The following TENM3 variants were observed in gnomAD, a reference collection of about 807,000 sequenced individuals.
TENM3 encodes teneurin transmembrane protein 3.
Under a neutral mutation model 255.1 loss-of-function variants are expected in TENM3, and 63 were observed. The ratio of observed to expected loss-of-function variants is 0.25; its 90% CI spans 0.20 to 0.30. The LOEUF (loss-of-function observed/expected upper bound fraction) is 0.30. Among genes scored for constraint, TENM3 ranks in the 10% least tolerant of loss-of-function variants. The pLI is 1.00. For synonymous variants in TENM3, 1,306 were observed against 1,322.3 expected (o/e 0.99, Z 0.27); for missense variants, 2,929 against 3,461.1 (o/e 0.85, Z 3.86).
chr4:182,375,660 G>A (rs368538658), intron 3 of TENM3, among the ~76,000 whole-genome samples: 3 of 152,106 alleles, frequency 2.0e-5, no homozygotes, highest in Admixed American at 6.5e-5. Context: ...TCCTGCCTCC[G>A]CCTCCTGGGC....
chr4:182,201,272 GT>G (rs1165941091), intron 1 of TENM3, among the ~76,000 whole-genome samples: 7 of 152,214 alleles, frequency 4.6e-5, no homozygotes, highest in Non-Finnish European at 1.0e-4. Flanking sequence ...TCATTTTAAT[GT>G]TTTTTTCTTT....
the TENM3 span, among the ~76,000 whole-genome samples, chr4:181,773,363 A>G: frequency 6.6e-6 from 1 of 152,222 alleles, no homozygotes; most frequent in Non-Finnish European, 1.5e-5. Flanking sequence ...TCTACATTGC[A>G]GAATCCGATC....
At chr4:182,072,845 C>G in the TENM3 span, among the ~76,000 whole-genome samples, 3 of 152,100 alleles carry the variant, frequency 2.0e-5, no homozygotes, top group Non-Finnish European at 2.9e-5. Flanking sequence ...TTGTGCTCCC[C>G]AAAATTTGCA....
chr4:182,497,878 A>ATATATATATATATATATG (rs1446346027), intron 3 of TENM3, among the ~76,000 whole-genome samples: 38 of 143,044 alleles, frequency 2.7e-4, no homozygotes, highest in African/African-American at 8.9e-4. Context: ...ATATATATAT[A>ATATATATATATATATATG]TATATCTCAA....
rs554058766 is a variant in TENM3 at position 182,216,363 on chromosome 4, G to A, written c.-76+71609G>A. Among the ~76,000 whole-genome samples the A allele has an allele frequency of 4.6e-5, 7 of 152,282 alleles. No individual in the cohort carries two copies. In the South Asian group the frequency reaches 6.2e-4, roughly 14 times the overall value. Reference sequence around the variant, plus strand: ...AGGTAATGTAGCCTAATTTCGGCTCGTTCAGTTTCCACATGGTCTTGCCTA... The same window carrying A: ...AGGTAATGTAGCCTAATTTCGGCTCATTCAGTTTCCACATGGTCTTGCCTA... On this transcript the variant is annotated intron_variant, in intron 1 of 2. Coordinates refer to the TENM3 transcript ENST00000512480.
chr4:182,731,708 T>G (rs1048979144), intron 16 of TENM3, among the ~76,000 whole-genome samples: 9 of 147,932 alleles, frequency 6.1e-5, no homozygotes, highest in African/African-American at 1.5e-4. Flanking sequence ...TGTGTGTGTG[T>G]GTGTGTGTGT....
At chr4:182,066,685 C>T in the TENM3 span, among the ~76,000 whole-genome samples, 36 of 151,310 alleles carry the variant, frequency 2.4e-4, no homozygotes, top group South Asian at 3.7e-3. Flanking sequence ...CCAAGGCGGG[C>T]GGATCACAAG....
intron 3 of TENM3, among the ~76,000 whole-genome samples, chr4:182,461,554 GGT>G (rs1561471579): frequency 6.6e-6 from 1 of 152,098 alleles, no homozygotes; most frequent in Non-Finnish European, 1.5e-5. Flanking sequence ...ACAGTAGTAC[GGT>G]GTGTTTGGGG....
the TENM3 span, among the ~76,000 whole-genome samples, chr4:181,599,261 C>T: frequency 6.6e-6 from 1 of 152,192 alleles, no homozygotes; most frequent in Non-Finnish European, 1.5e-5. Flanking sequence ...CCATTATTCC[C>T]TTCGTTCTGT....
intron 24 of TENM3, among the ~76,000 whole-genome samples, chr4:182,784,338 T>C (rs1381178679): frequency 6.6e-6 from 1 of 151,958 alleles, no homozygotes; most frequent in Non-Finnish European, 1.5e-5. Context: ...GTGCCCCTGC[T>C]GGGGGGTGCC....
chr4:182,570,621 A>C (rs1157862703), intron 3 of TENM3, among the ~76,000 whole-genome samples: 1 of 152,156 alleles, frequency 6.6e-6, no homozygotes, highest in Non-Finnish European at 1.5e-5. Context: ...AGGCCAAGGC[A>C]GGCGGATCAC....
the TENM3 span, among the ~76,000 whole-genome samples, chr4:182,117,768 G>A: frequency 6.6e-6 from 1 of 151,966 alleles, no homozygotes; most frequent in Non-Finnish European, 1.5e-5. Flanking sequence ...TAATATTCTG[G>A]ATATTTTTTT....
intron 3 of TENM3, among the ~76,000 whole-genome samples, chr4:182,431,221 G>A (rs114178787): frequency 1.3e-3 from 194 of 152,000 alleles, no homozygotes; most frequent in Middle Eastern, 6.8e-3. Context: ...ATGAGGCCGG[G>A]CGTGGGGGCT....
intron 1 of TENM3, among the ~76,000 whole-genome samples, chr4:182,262,934 C>G (rs539149303): frequency 2.0e-5 from 3 of 152,118 alleles, no homozygotes; most frequent in African/African-American, 7.2e-5. Context: ...AGGATGGTCT[C>G]GATCTCCTGA....
At chr4:182,207,283 T>G (rs1247710596) in intron 1 of TENM3, among the ~76,000 whole-genome samples, 1 of 152,214 alleles carries the variant, frequency 6.6e-6, no homozygotes, top group Non-Finnish European at 1.5e-5. Context: ...TAGTTGCTTT[T>G]CATAGTTCAG....
chr4:182,160,137 G>C (rs1461027303), intron 1 of TENM3, among the ~76,000 whole-genome samples: 1 of 149,866 alleles, frequency 6.7e-6, no homozygotes, highest in Non-Finnish European at 1.5e-5. Context: ...CGAGTAGCTG[G>C]GACTACAGGC....
chr4:181,822,885 A>G, the TENM3 span, among the ~76,000 whole-genome samples: 1,772 of 152,306 alleles, frequency 0.012, 40 homozygotes, highest in African/African-American at 0.04. Context: ...TGTAGAAAAA[A>G]TATTACCCCA....
At chr4:181,888,548 A>ATATG in the TENM3 span, among the ~76,000 whole-genome samples, 421 of 99,856 alleles carry the variant, frequency 4.2e-3, 3 homozygotes, top group Middle Eastern at 0.018. Context: ...ATATATATAT[A>ATATG]TGTATATATA....
the TENM3 span, among the ~76,000 whole-genome samples, chr4:181,834,627 G>A: frequency 6.6e-6 from 1 of 152,174 alleles, no homozygotes; most frequent in Non-Finnish European, 1.5e-5. Flanking sequence ...GGGGAAGGAA[G>A]CGTTGGCCTC....
Sources: gnomAD v4.1 joint callset for allele counts (sites outside exome capture counted in the v4.1 genomes callset) on GRCh38, gnomAD v4.1.1 for gene constraint, MANE v1.5 for transcripts, NCBI Gene and HGNC (gene_info 2026-07-23, HGNC 2026-07-21) for gene names.